Variants in CIITA observed in about 807,000 individuals in gnomAD.
CIITA encodes class II major histocompatibility complex transactivator.
In CIITA, 72 loss-of-function variants were observed where a neutral mutation model predicts 115.1. The ratio of observed to expected loss-of-function variants is 0.63; its 90% CI spans 0.52 to 0.76. The LOEUF (loss-of-function observed/expected upper bound fraction) is 0.76, where lower values mean the gene tolerates loss of function less well. Among genes scored for constraint, CIITA ranks in the 30% least tolerant of loss-of-function variants. The pLI is 0.00. For synonymous variants in CIITA, 763 were observed against 635.6 expected (o/e 1.20, Z -3.02); for missense variants, 1,617 against 1,463.8 (o/e 1.10, Z -1.71).
chr16:10,928,387 C>T lies in CIITA; in HGVS notation c.*4532C>T, dbSNP rs2040622723. The stretch of plus-strand genomic sequence containing the variant: ...ACTGCAACCTCTGCCTCCCTGGTTT[C>T]AAGCAATTCTCCTGCCTCAGCCTCC... On this transcript the variant is annotated 3_prime_UTR_variant, in exon 20 of 20. Transcript: ENST00000324288. 1.3e-5 allele frequency: 2 copies of T among 152,454 alleles called. No homozygotes were observed. The highest frequency in any genetic ancestry group is 2.9e-5 in the Non-Finnish European group (2 of 68,234). The allele number at this position is 152,454 out of a possible 1,614,324, so 9.4% of individuals were successfully genotyped here.
At position 10,907,276 on chromosome 16, in the gene CIITA, T is replaced by C; in HGVS notation, c.1784T>C (p.Leu595Pro). Residue 595 changes from leucine to proline, a missense_variant, in exon 11 of 20, where the codon CTG (leucine) becomes CCG (proline). By Grantham distance (98) the Leu-to-Pro change is moderately conservative (BLOSUM62 -3). Coordinates refer to ENST00000324288, the MANE Select transcript of CIITA (RefSeq NM_000246.4). The surrounding 1 kb of genome is among the most constrained non-coding windows in gnomAD (Gnocchi z 5.0). Reference protein sequence around the residue: ...SGMTEHQDRALTLLRDRPLLL... With the variant: ...SGMTEHQDRAPTLLRDRPLLL... ...ATGACAGAGCACCAAGACAGAGCCC[T>C]GACGCTCCTCCGGGACCGGCCACTT... The C allele has an allele frequency of 6.2e-7, 1 of 1,613,418 alleles. No individual in the cohort carries two copies. Among genetic ancestry groups the C allele is most frequent in the Non-Finnish European group, 8.5e-7 (1 of 1,179,966 alleles).
chr16:10,901,703 G>T lies in CIITA; in HGVS notation c.481+145G>T, dbSNP rs572574699. The T allele has an allele frequency of 2.9e-4, 246 of 848,366 alleles. 6 individuals are homozygous for T. In the South Asian group the frequency reaches 2.9e-3, roughly 10 times the overall value. 52.6% of individuals were successfully genotyped at this position (848,366 alleles called of 1,614,324 possible). ...TTTGGGTAGAGGCTGAGAGCTTGGGGTCCCTTAGAGTCCTCTAAGGGGCTC... is the reference window on the plus strand; with the variant it reads ...TTTGGGTAGAGGCTGAGAGCTTGGGTTCCCTTAGAGTCCTCTAAGGGGCTC... On this transcript the variant is annotated intron_variant, in intron 6 of 19. Transcript: ENST00000324288. This position sits in a 1 kb window ranked among gnomAD's most constrained non-coding sequence, Gnocchi z 6.8.
chr16:10,899,541 C>T (rs1339847226), intron 5 of CIITA, among the ~76,000 whole-genome samples: 1 of 152,230 alleles, frequency 6.6e-6, no homozygotes, highest in Non-Finnish European at 1.5e-5. Context: ...ACGCCTTGCT[C>T]TCCCACTGTG....
chr16:10,902,147 C>T lies in CIITA; in HGVS notation c.591C>T (p.Ser197=), dbSNP rs768524733. 9.9e-6 allele frequency: 16 copies of T among 1,614,076 alleles called. No individual in the cohort carries two copies. The highest frequency in any genetic ancestry group is 2.7e-5 in the African/African-American group (2 of 74,930). ...LPALFNQEPA[S]GQMRLEKTDQ... ...CGCTGTTCAACCAGGAGCCAGCCTC[C>T]GGCCAGATGCGCCTGGAGAAAACCG... The change falls in exon 7 of 20, where the codon TCC becomes TCT. Residue 197 remains serine (S), a synonymous_variant. Coordinates refer to ENST00000324288, the MANE Select transcript of CIITA (RefSeq NM_000246.4).
chr16:10,903,332 G>A (rs759873280), intron 8 of CIITA, among the ~76,000 whole-genome samples: 2 of 152,190 alleles, frequency 1.3e-5, no homozygotes, highest in Non-Finnish European at 2.9e-5. Context: ...GATGAGACCA[G>A]GAGGATGCTT....
rs2039259490 is a variant in CIITA at position 10,907,565 on chromosome 16, C to T, written c.2073C>T (p.Ala691=). 6.2e-7 allele frequency: 1 copy of T among 1,614,048 alleles called. No homozygotes were observed. Among genetic ancestry groups the T allele is most frequent in the African/African-American group, 1.3e-5 (1 of 74,954 alleles). The change falls in exon 11 of 20, where the codon GCC becomes GCT. Residue 691 remains alanine (A), a synonymous_variant. Transcript: ENST00000324288. This position sits in a 1 kb window ranked among gnomAD's most constrained non-coding sequence, Gnocchi z 5.0. ...PSADVRTWAM[A]KGLVQHPPRA... is the part of the protein sequence containing the mutation. ...CAGACGTGAGGACCTGGGCGATGGC[C>T]AAAGGCTTAGTCCAACACCCACCGC...
chr16:10,902,293 C>A, intron 7 of CIITA, 109 bp downstream of exon 7: 1 of 1,453,022 alleles, frequency 6.9e-7, no homozygotes, highest in Non-Finnish European at 9.4e-7. Context: ...TCTCCCCAAC[C>A]CTATCAGTGT....
chr16:10,896,268 A>G (rs1184972966), intron 3 of CIITA, among the ~76,000 whole-genome samples: 1 of 152,252 alleles, frequency 6.6e-6, no homozygotes, highest in African/African-American at 2.4e-5. Flanking sequence ...ATTGAGGTTT[A>G]GAGAGGTGAA....
chr16:10,918,560 A>G, intron 16 of CIITA, 34 bp downstream of exon 16: 3 of 1,594,108 alleles, frequency 1.9e-6, no homozygotes, highest in Non-Finnish European at 2.6e-6. Context: ...TCAGGTGCTG[A>G]GCTGGGGGGC....
chr16:10,909,332 G>C (rs2039399759), intron 12 of CIITA, 145 bp downstream of exon 12: 2 of 897,594 alleles, frequency 2.2e-6, no homozygotes, highest in Admixed American at 2.0e-5. Flanking sequence ...TGGCTAACCA[G>C]AGTCTCTCAC....
chr16:10,925,149 C>T lies in CIITA; in HGVS notation c.*1294C>T, dbSNP rs1281445378. The T allele has an allele frequency of 6.6e-6, 1 of 152,166 alleles. No individual in the cohort carries two copies. Among genetic ancestry groups the T allele is most frequent in the Non-Finnish European group, 1.5e-5 (1 of 68,056 alleles). The allele number at this position is 152,166 out of a possible 1,614,324, so 9.4% of individuals were successfully genotyped here. On this transcript the variant is annotated 3_prime_UTR_variant, in exon 20 of 20. Transcript: ENST00000324288. ...TGGCTGTTGGCTGGGGGCCTCAGTG[C>T]CACTACGGAATAGTTGGCTAGGACC...
rs1342138766 is a variant in CIITA, at chr16:10,913,056, G to A, written c.2889-2514G>A. On this transcript the variant is annotated intron_variant, in intron 13 of 19. Transcript: ENST00000324288. ...CTGTTCACCCTTATCTCCTACACTC[G>A]CTGGGTGCTCTCTCCATTCCAGCCA... Among the ~76,000 whole-genome samples, 3 of 152,290 alleles carry A rather than the reference G, an allele frequency of 2.0e-5. No homozygotes were observed. The Middle Eastern group carries it at 0.01, about 518-fold the overall frequency.
At position 10,895,300 on chromosome 16, in the gene CIITA, C is replaced by T. The variant is rs2038011376; in HGVS notation, c.71C>T (p.Thr24Ile). 1 of 1,614,028 alleles carries T rather than the reference C, an allele frequency of 6.2e-7. No homozygotes were observed. Among genetic ancestry groups the T allele is most frequent in the South Asian group, 1.1e-5 (1 of 91,082 alleles). Residue 24 changes from threonine (T) to isoleucine (I), a missense_variant, in exon 2 of 20, where the codon ACC becomes ATC. Transcript: ENST00000324288. ...CTCCCAGGCAGCTCACAGTGTGCCA[C>T]CATGGAGTTGGGGCCCCTAGAAGGT... is the stretch of plus-strand genomic sequence containing the variant. ...SEPQGSSQCA[T>I]MELGPLEGGY... is the part of the protein sequence containing the mutation.
At chr16:10,886,957 C>A (rs2037011735) in intron 1 of CIITA, among the ~76,000 whole-genome samples, 1 of 152,172 alleles carries the variant, frequency 6.6e-6, no homozygotes, top group Non-Finnish European at 1.5e-5. Flanking sequence ...GTGTGGTAAA[C>A]CTCTTTGGGG....
Position 10,934,983 on chromosome 16 carries a change from C to G in CIITA, c.*11128C>G, listed in dbSNP as rs1596655037. 8 of 152,394 alleles carry G rather than the reference C, an allele frequency of 5.2e-5. 1 individual carries two copies. The highest frequency in any genetic ancestry group is 4.6e-4 in the Admixed American group (7 of 15,306). The allele number at this position is 152,394 out of a possible 1,614,324, so 9.4% of individuals were successfully genotyped here. On this transcript the variant is annotated 3_prime_UTR_variant, in exon 20 of 20. Coordinates refer to ENST00000324288, the MANE Select transcript of CIITA (RefSeq NM_000246.4). This position sits in a 1 kb window ranked among gnomAD's most constrained non-coding sequence, Gnocchi z 4.2. ...GGGGAAGGCTTCCTGGGCTAGAGCCCCTTCAGGGTCTGACACGCCATTGAC... is the reference window on the plus strand; with the variant it reads ...GGGGAAGGCTTCCTGGGCTAGAGCCGCTTCAGGGTCTGACACGCCATTGAC...
rs917322787 is a variant in CIITA, at chr16:10,942,407, C to A, written n.1533C>A. 4 of 162,218 alleles carry A rather than the reference C, an allele frequency of 2.5e-5. No homozygotes were observed. The highest frequency in any genetic ancestry group is 1.6e-4 in the South Asian group (1 of 6,404). The allele number at this position is 162,218 out of a possible 1,614,324, so 10.0% of individuals were successfully genotyped here. A position where few individuals can be genotyped will look rare whatever the true frequency, so the allele number is the denominator to read the frequency against. Reference sequence around the variant, plus strand: ...GCCCCGCAGGTCCTCGCGCACCCCCCGCGCCCCCGCAGGCCCAGCACCCAT... The same window carrying A: ...GCCCCGCAGGTCCTCGCGCACCCCCAGCGCCCCCGCAGGCCCAGCACCCAT... On this transcript the variant is annotated non_coding_transcript_exon_variant, in exon 2 of 2. Coordinates refer to the CIITA transcript ENST00000573379. The surrounding 1 kb of genome is among the most constrained non-coding windows in gnomAD (Gnocchi z 5.0).
At chr16:10,893,160 C>T (rs2037766377) in intron 1 of CIITA, among the ~76,000 whole-genome samples, 1 of 152,134 alleles carries the variant, frequency 6.6e-6, no homozygotes, top group Non-Finnish European at 1.5e-5. Flanking sequence ...AGCATTCTCC[C>T]CTCGAGCCTC....
rs956319358 is a variant in CIITA at position 10,904,635 on chromosome 16, C to T, written c.938-109C>T. On this transcript the variant is annotated intron_variant, in intron 9 of 19. Coordinates refer to ENST00000324288, the MANE Select transcript of CIITA (RefSeq NM_000246.4). ...CAGGCCGCTATCTTATAACCTCCAT[C>T]TTGGGAAACTCAGCCCATGAAGGCT... The T allele has an allele frequency of 2.7e-6, 3 of 1,117,348 alleles. 1 individual carries two copies. The Admixed American group carries it at 5.1e-5, about 19-fold the overall frequency. 69.2% of individuals were successfully genotyped at this position (1,117,348 alleles called of 1,614,324 possible). A position where few individuals can be genotyped will look rare whatever the true frequency, so the allele number is the denominator to read the frequency against.
intron 3 of CIITA, among the ~76,000 whole-genome samples, chr16:10,897,097 G>A (rs1369444122): frequency 1.3e-5 from 2 of 152,202 alleles, no homozygotes; most frequent in African/African-American, 2.4e-5. Context: ...GCAAATAGGT[G>A]AGGCAGTGCG....
Sources: allele counts gnomAD v4.1 joint callset (sites outside exome capture counted in the v4.1 genomes callset), GRCh38; gene constraint gnomAD v4.1.1; non-coding constraint Gnocchi (gnomAD v3.1); transcripts MANE v1.5; gene names NCBI Gene and HGNC (gene_info 2026-07-23, HGNC 2026-07-21).